The following CCDC192 variants were observed in gnomAD, a reference collection of about 807,000 sequenced individuals.
The protein encoded by CCDC192 is coiled-coil domain containing 192, also known as coiled-coil domain-containing protein 192.
At chr5:127,923,767 A>G (rs564222828) in intron 6 of CCDC192, among the ~76,000 whole-genome samples, 1 of 152,196 alleles carries the variant, frequency 6.6e-6, no homozygotes, top group Non-Finnish European at 1.5e-5. Flanking sequence ...CATGCACAAA[A>G]ATATGAGGTA....
chr5:127,846,845 A>G (rs909898036), intron 5 of CCDC192, among the ~76,000 whole-genome samples: 1 of 131,070 alleles, frequency 7.6e-6, no homozygotes, highest in African/African-American at 2.9e-5. Context: ...AAAAAAAAAA[A>G]CAGGGAAACA....
chr5:127,820,256 GC>G (rs1275629328), intron 5 of CCDC192, among the ~76,000 whole-genome samples: 1 of 152,106 alleles, frequency 6.6e-6, no homozygotes, highest in East Asian at 1.9e-4. Flanking sequence ...TGAATATTTG[GC>G]CAGAAGGTCA....
intron 5 of CCDC192, among the ~76,000 whole-genome samples, chr5:127,867,500 C>T (rs245178): frequency 0.74 from 112,454 of 152,164 alleles, 42,206 homozygotes; most frequent in African/African-American, 0.88. Flanking sequence ...GCCAATGATA[C>T]TATACCAACA....
intron 3 of CCDC192, among the ~76,000 whole-genome samples, chr5:127,755,730 T>G (rs1349517452): frequency 6.6e-6 from 1 of 151,692 alleles, no homozygotes; most frequent in African/African-American, 2.4e-5. Flanking sequence ...GGGAAAGATT[T>G]TTCAATGGAT....
intron 5 of CCDC192, among the ~76,000 whole-genome samples, chr5:127,842,341 C>T (rs987977174): frequency 6.6e-6 from 1 of 152,166 alleles, no homozygotes; most frequent in African/African-American, 2.4e-5. Context: ...GCCTCAGCCT[C>T]GAAGTAGCTG....
intron 5 of CCDC192, among the ~76,000 whole-genome samples, chr5:127,807,933 G>A (rs116035911): frequency 5.8e-4 from 88 of 152,230 alleles, no homozygotes; most frequent in African/African-American, 2.0e-3. Context: ...TGGCAGGCAG[G>A]AGGGGGTAGT....
chr5:127,773,874 T>A (rs1380133747), intron 3 of CCDC192, among the ~76,000 whole-genome samples: 1 of 152,202 alleles, frequency 6.6e-6, no homozygotes, highest in Non-Finnish European at 1.5e-5. Context: ...ATTACATTCT[T>A]ACCAGCAATG....
chr5:127,869,737 T>A (rs943803745), intron 5 of CCDC192, among the ~76,000 whole-genome samples: 2 of 152,216 alleles, frequency 1.3e-5, no homozygotes, highest in African/African-American at 4.8e-5. Context: ...ACTCTTCCCT[T>A]ATAGTGAGTC....
At chr5:127,799,520 C>T (rs540735495) in intron 5 of CCDC192, among the ~76,000 whole-genome samples, 3 of 152,234 alleles carry the variant, frequency 2.0e-5, no homozygotes, top group South Asian at 4.2e-4. Flanking sequence ...GAGGATGTCC[C>T]GTCACGACAT....
intron 5 of CCDC192, among the ~76,000 whole-genome samples, chr5:127,810,903 T>G (rs1352072276): frequency 1.3e-5 from 2 of 152,128 alleles, no homozygotes; most frequent in East Asian, 3.9e-4. Flanking sequence ...TTGCCAAAAG[T>G]TGGGGCCACT....
chr5:127,769,103 T>C (rs1755401791), intron 3 of CCDC192, among the ~76,000 whole-genome samples: 2 of 152,218 alleles, frequency 1.3e-5, no homozygotes, highest in African/African-American at 4.8e-5. Flanking sequence ...AATTACCGCA[T>C]GTAAATGTGT....
intron 5 of CCDC192, among the ~76,000 whole-genome samples, chr5:127,846,819 C>CAAAAAAAA (rs551016691): frequency 9.4e-5 from 6 of 63,678 alleles, no homozygotes; most frequent in South Asian, 9.2e-4. Context: ...GTCAATAAAG[C>CAAAAAAAA]AAAAAAAAAA....
At chr5:127,824,242 T>C (rs111941072) in intron 5 of CCDC192, among the ~76,000 whole-genome samples, 3,380 of 152,266 alleles carry the variant, frequency 0.022, 130 homozygotes, top group African/African-American at 0.078. Flanking sequence ...CTTTCTTAGC[T>C]GTTAGAAAGG....
intron 6 of CCDC192, among the ~76,000 whole-genome samples, chr5:127,922,289 C>T (rs1002880177): frequency 3.3e-5 from 5 of 152,274 alleles, no homozygotes; most frequent in Admixed American, 1.3e-4. Context: ...TATTAAAACT[C>T]TTACTAAGAA....
At chr5:127,817,645 A>G (rs1319380359) in intron 5 of CCDC192, among the ~76,000 whole-genome samples, 1 of 152,176 alleles carries the variant, frequency 6.6e-6, no homozygotes, top group African/African-American at 2.4e-5. Context: ...AGTGACTGCT[A>G]ATGGATATGA....
intron 6 of CCDC192, among the ~76,000 whole-genome samples, chr5:127,878,382 G>T (rs750871537): frequency 5.3e-4 from 80 of 152,250 alleles, no homozygotes; most frequent in Admixed American, 1.4e-3. Context: ...GGGAGTAAAT[G>T]TGGGGAAGGA....
chr5:127,908,848 A>G lies in CCDC192; in HGVS notation c.536-32334A>G, dbSNP rs1001541159. Reference sequence around the variant, plus strand: ...GATTTTTAAGCTCTATAGGGAAATAATGGTTGTGAAAATCAGGTTTTGAGA... The same window carrying G: ...GATTTTTAAGCTCTATAGGGAAATAGTGGTTGTGAAAATCAGGTTTTGAGA... On this transcript the variant is annotated intron_variant, in intron 6 of 6. Coordinates refer to ENST00000514853, the MANE Select transcript of CCDC192 (RefSeq NM_001317938.2). 1.8e-4 allele frequency among the ~76,000 whole-genome samples: 27 copies of G among 152,202 alleles called. 1 individual carries two copies. Among genetic ancestry groups the G allele is most frequent in the Admixed American group, 1.7e-3 (26 of 15,284 alleles).
chr5:127,716,223 A>G (rs1751615724), intron 2 of CCDC192, among the ~76,000 whole-genome samples: 1 of 152,108 alleles, frequency 6.6e-6, no homozygotes, highest in South Asian at 2.1e-4. Context: ...CTCTCCTTGT[A>G]TCCCTGGTAT....
chr5:127,740,008 A>T (rs1404764196), intron 2 of CCDC192: 1 of 152,308 alleles, frequency 6.6e-6, no homozygotes, highest in African/African-American at 2.4e-5. Flanking sequence ...AGTCTAAGTC[A>T]CATAACTACA....
Sources: gnomAD v4.1 joint callset for allele counts (sites outside exome capture counted in the v4.1 genomes callset) on GRCh38, gnomAD v4.1.1 for gene constraint, MANE v1.5 for transcripts, NCBI Gene and HGNC (gene_info 2026-07-23, HGNC 2026-07-21) for gene names.